Variants in DACH2 observed in about 807,000 individuals in gnomAD.
DACH2 encodes the protein dachshund homolog 2.
A neutral mutation model predicts 35.8 loss-of-function variants in DACH2; 17 were observed. The observed-to-expected ratio is 0.48, with a 90% CI of 0.33 to 0.71. The LOEUF is 0.71. Ranked by LOEUF, DACH2 falls within the 30% of genes least tolerant of loss-of-function variation. The pLI, the probability that DACH2 is intolerant of heterozygous loss-of-function variation, is 0.02. For missense variants in DACH2, 469 were observed against 472.7 expected, an observed-to-expected ratio of 0.99 and a Z score of 0.07; for synonymous variants, 195 against 177.3, an observed-to-expected ratio of 1.10 and a Z score of -0.79.
chrX:86,785,971 C>T (rs767720379), intron 7 of DACH2, among the ~76,000 whole-genome samples: 1 of 111,386 alleles, frequency 9.0e-6, no homozygotes, highest in African/African-American at 3.3e-5. Flanking sequence ...ATTCGACAAT[C>T]ATATCACAAG....
At chrX:86,407,816 T>C (rs1424953495) in intron 2 of DACH2, among the ~76,000 whole-genome samples, 1 of 112,423 alleles carries the variant, frequency 8.9e-6, no homozygotes, top group East Asian at 2.8e-4. Flanking sequence ...GAATCTGTGA[T>C]AACTGAGCAT....
At chrX:86,762,567 A>G (rs1356898275) in intron 7 of DACH2, among the ~76,000 whole-genome samples, 1 of 112,003 alleles carries the variant, frequency 8.9e-6, no homozygotes, top group Non-Finnish European at 1.9e-5. Context: ...GATAATGAGT[A>G]GAAAGATTAG....
At chrX:86,382,717 ACTATAGC>A (rs2036065201) in intron 2 of DACH2, among the ~76,000 whole-genome samples, 1 of 110,868 alleles carries the variant, frequency 9.0e-6, no homozygotes, top group Non-Finnish European at 1.9e-5. Context: ...AAATGTTTTG[ACTATAGC>A]ATTCCTAGAA....
At chrX:86,688,104 G>T (rs757565921) in intron 4 of DACH2, among the ~76,000 whole-genome samples, 22 of 111,679 alleles carry the variant, frequency 2.0e-4, no homozygotes, top group African/African-American at 6.2e-4. Context: ...GTGCAAGTTG[G>T]TCCATCCATC....
At chrX:86,402,004 C>T (rs1203576026) in intron 2 of DACH2, among the ~76,000 whole-genome samples, 4 of 111,681 alleles carry the variant, frequency 3.6e-5, no homozygotes, top group Non-Finnish European at 7.5e-5. Context: ...GATGAAAACC[C>T]TCAACAGTCT....
At chrX:86,267,690 G>T (rs1264237506) in intron 1 of DACH2, among the ~76,000 whole-genome samples, 1 of 111,824 alleles carries the variant, frequency 8.9e-6, no homozygotes, top group African/African-American at 3.2e-5. Context: ...AATATTCTAT[G>T]ATTCTTATAC....
chrX:86,669,223 T>C (rs1342257788), intron 4 of DACH2, among the ~76,000 whole-genome samples: 3 of 110,247 alleles, frequency 2.7e-5, no homozygotes, highest in Non-Finnish European at 5.7e-5. Context: ...TCATCTTCCC[T>C]TCAAAACACA....
intron 3 of DACH2, among the ~76,000 whole-genome samples, chrX:86,577,890 G>A (rs933525530): frequency 2.1e-4 from 24 of 111,764 alleles, no homozygotes; most frequent in African/African-American, 7.8e-4. Flanking sequence ...TCCAGGGAAG[G>A]CCTGGAAGCT....
At chrX:86,304,552 A>G in intron 1 of DACH2, 1 of 153,370 alleles carries the variant, frequency 6.5e-6, no homozygotes, top group South Asian at 1.5e-4. Flanking sequence ...TTCCCTGAAG[A>G]GCTTACGATA....
intron 6 of DACH2, among the ~76,000 whole-genome samples, chrX:86,729,824 C>T (rs1002221325): frequency 5.4e-5 from 6 of 111,498 alleles, no homozygotes; most frequent in African/African-American, 2.0e-4. Flanking sequence ...CCTGCTTCAA[C>T]TTCCATGAGT....
intron 4 of DACH2, among the ~76,000 whole-genome samples, chrX:86,678,058 G>C (rs1199294307): frequency 8.9e-6 from 1 of 111,986 alleles, no homozygotes; most frequent in Non-Finnish European, 1.9e-5. Flanking sequence ...GCATTGGTAT[G>C]AGGATGCAAG....
intron 6 of DACH2, among the ~76,000 whole-genome samples, chrX:86,725,778 C>G (rs1238445305): frequency 9.0e-6 from 1 of 111,252 alleles, no homozygotes; most frequent in Non-Finnish European, 1.9e-5. Flanking sequence ...GTGGTTCATG[C>G]TCGTGTTGCT....
At chrX:86,617,266 G>T (rs1394047715) in intron 3 of DACH2, among the ~76,000 whole-genome samples, 1 of 109,994 alleles carries the variant, frequency 9.1e-6, no homozygotes, top group South Asian at 3.8e-4. Flanking sequence ...TGTTGTTGTT[G>T]TTCCATACGA....
intron 2 of DACH2, among the ~76,000 whole-genome samples, chrX:86,385,372 C>T (rs779058173): frequency 1.6e-4 from 18 of 111,351 alleles, no homozygotes; most frequent in African/African-American, 5.8e-4. Context: ...ATGGTGTATA[C>T]ATAGAGGCAG....
chrX:86,652,935 A>G (rs1254268682), intron 4 of DACH2, among the ~76,000 whole-genome samples: 1 of 111,846 alleles, frequency 8.9e-6, no homozygotes, highest in Non-Finnish European at 1.9e-5. Context: ...CTTTACTTTA[A>G]TAAGGTCCTA....
chrX:86,820,490 T>C (rs751215369), intron 11 of DACH2, among the ~76,000 whole-genome samples: 4 of 108,881 alleles, frequency 3.7e-5, no homozygotes, highest in Admixed American at 9.9e-5. Flanking sequence ...CCATTTTTGC[T>C]CAGAAAAAAG....
chrX:86,272,199 A>AGAGT (rs1556008345), intron 1 of DACH2, among the ~76,000 whole-genome samples: 63 of 100,481 alleles, frequency 6.3e-4, no homozygotes, highest in African/African-American at 2.0e-3. Context: ...TTCCTTTGAG[A>AGAGT]GTGTGTGTGT....
At chrX:86,804,364 C>T (rs2042322950) in intron 7 of DACH2, among the ~76,000 whole-genome samples, 1 of 111,340 alleles carries the variant, frequency 9.0e-6, no homozygotes, top group Non-Finnish European at 1.9e-5. Flanking sequence ...GGTGCTAGAC[C>T]GTTCATGAGA....
At chrX:86,421,016 T>C (rs2036792813) in intron 2 of DACH2, among the ~76,000 whole-genome samples, 1 of 111,163 alleles carries the variant, frequency 9.0e-6, no homozygotes, top group Admixed American at 9.7e-5. Context: ...AGAAGGCTAA[T>C]TTTCATCCAC....
Sources: allele counts gnomAD v4.1 joint callset (sites outside exome capture counted in the v4.1 genomes callset), GRCh38; gene constraint gnomAD v4.1.1; transcripts MANE v1.5; gene names NCBI Gene and HGNC (gene_info 2026-07-23, HGNC 2026-07-21).